The following ACTG2 variants were observed in gnomAD, a reference collection of about 807,000 sequenced individuals.
ACTG2 encodes the protein actin gamma 2, smooth muscle.
ACTG2 carries 16 observed loss-of-function variants against 37.6 expected under a neutral mutation model. The ratio of observed to expected loss-of-function variants is 0.43; its 90% CI spans 0.29 to 0.65. The LOEUF is 0.65. Ranked by LOEUF, ACTG2 falls within the 30% of genes least tolerant of loss-of-function variation. The pLI is 0.18. For synonymous variants in ACTG2, 181 were observed against 179.9 expected, an observed-to-expected ratio of 1.01 and a Z score of -0.05; for missense variants, 238 against 490.9, an observed-to-expected ratio of 0.48 and a Z score of 4.87.
Position 73,899,032 on chromosome 2 carries a change from G to C in ACTG2, c.-36-2244G>C, listed in dbSNP as rs186467021. On this transcript the variant is annotated intron_variant, in intron 1 of 8. Coordinates refer to ENST00000345517, the MANE Select transcript of ACTG2 (RefSeq NM_001615.4). ...TCACCATGTTAGCCAGGATGGTCTTGATCTCCTGACGTCGTGATCCGCCCA... is the reference window on the plus strand; with the variant it reads ...TCACCATGTTAGCCAGGATGGTCTTCATCTCCTGACGTCGTGATCCGCCCA... 9.3e-3 allele frequency among the ~76,000 whole-genome samples: 1,413 copies of C among 151,964 alleles called. 13 individuals carry two copies. Among genetic ancestry groups the C allele is most frequent in the Middle Eastern group, 0.034 (10 of 292 alleles).
At chr2:73,917,515 C>A (rs1312645494) in intron 8 of ACTG2, among the ~76,000 whole-genome samples, 1 of 152,208 alleles carries the variant, frequency 6.6e-6, no homozygotes. Flanking sequence ...GGTCTCCAAG[C>A]AGTCACACAG....
At chr2:73,910,924 T>C (rs954809300) in intron 5 of ACTG2, among the ~76,000 whole-genome samples, 1 of 149,362 alleles carries the variant, frequency 6.7e-6, no homozygotes, top group Non-Finnish European at 1.5e-5. Context: ...TTATTTTATT[T>C]TATTTTTTAC....
At chr2:73,909,952 C>T (rs1680094115) in intron 5 of ACTG2, among the ~76,000 whole-genome samples, 1 of 152,192 alleles carries the variant, frequency 6.6e-6, no homozygotes, top group African/African-American at 2.4e-5. Flanking sequence ...CAGTGGCTCA[C>T]ACCTGAAATC....
Position 73,901,259 on chromosome 2 carries a change from C to T in ACTG2, c.-36-17C>T. The T allele has an allele frequency of 1.3e-6, 2 of 1,494,862 alleles. No individual in the cohort carries two copies. Among genetic ancestry groups the T allele is most frequent in the Non-Finnish European group, 1.8e-6 (2 of 1,114,416 alleles). 92.6% of individuals were successfully genotyped at this position (1,494,862 alleles called of 1,614,324 possible). A position where few individuals can be genotyped will look rare whatever the true frequency, so the allele number is the denominator to read the frequency against. On this transcript the variant is annotated splice_polypyrimidine_tract_variant and intron_variant, in intron 1 of 8. Coordinates refer to ENST00000345517, the MANE Select transcript of ACTG2 (RefSeq NM_001615.4). ...TGACAAGTGGCTGACTAGTTCTCTTCTCCCGCAAATCCCAAGGTGCTCCAG... is the reference window on the plus strand; with the variant it reads ...TGACAAGTGGCTGACTAGTTCTCTTTTCCCGCAAATCCCAAGGTGCTCCAG...
intron 3 of ACTG2, among the ~76,000 whole-genome samples, chr2:73,907,071 A>G (rs193278424): frequency 3.9e-4 from 60 of 152,322 alleles, no homozygotes; most frequent in African/African-American, 1.4e-3. Context: ...TGCCTTTTGC[A>G]GCAGCCTCTG....
intron 1 of ACTG2, among the ~76,000 whole-genome samples, chr2:73,893,699 C>A (rs1389834557): frequency 6.6e-6 from 1 of 152,142 alleles, no homozygotes; most frequent in Non-Finnish European, 1.5e-5. Flanking sequence ...CCATCTAGTT[C>A]ATTCTCCTCT....
intron 1 of ACTG2, among the ~76,000 whole-genome samples, chr2:73,896,361 A>G (rs1018615731): frequency 1.3e-5 from 2 of 152,038 alleles, no homozygotes; most frequent in East Asian, 1.9e-4. Flanking sequence ...AAAAAAAAAA[A>G]AAAAGAAAAA....
intron 1 of ACTG2, among the ~76,000 whole-genome samples, chr2:73,897,998 G>A (rs1462723367): frequency 1.3e-5 from 2 of 152,212 alleles, no homozygotes; most frequent in South Asian, 2.1e-4. Context: ...CCATAGCACC[G>A]CCTGTGTGTT....
intron 8 of ACTG2, 80 bp downstream of exon 8, chr2:73,916,845 C>T: frequency 6.7e-7 from 1 of 1,499,982 alleles, no homozygotes; most frequent in Non-Finnish European, 9.0e-7. Context: ...AGGCAGACTG[C>T]CAGACCTGAT....
At chr2:73,919,084 C>G (rs1014014864) in intron 8 of ACTG2, among the ~76,000 whole-genome samples, 1 of 152,206 alleles carries the variant, frequency 6.6e-6, no homozygotes, top group Non-Finnish European at 1.5e-5. Context: ...GGCTGAAGGG[C>G]TAGCTGCTTC....
intron 8 of ACTG2, among the ~76,000 whole-genome samples, chr2:73,918,008 T>C (rs1329117280): frequency 6.6e-6 from 1 of 152,238 alleles, no homozygotes; most frequent in African/African-American, 2.4e-5. Context: ...TCCCAATTCA[T>C]GAGCCACAGC....
intron 8 of ACTG2, among the ~76,000 whole-genome samples, chr2:73,917,745 T>C (rs1179201218): frequency 2.6e-5 from 4 of 152,184 alleles, no homozygotes; most frequent in Non-Finnish European, 4.4e-5. Context: ...ATGGTGTTCA[T>C]CACAGAGAAA....
At position 73,908,839 on chromosome 2, in the gene ACTG2, C is replaced by A. The variant is rs760714506; in HGVS notation, c.366+56C>A. ...ATAAGAATGCAACATGGATGCTTGG[C>A]CAGATACTTTCTCCCCTTCAAACAT... On this transcript the variant is annotated intron_variant, in intron 4 of 8. Transcript: ENST00000345517. 6.2e-6 allele frequency: 9 copies of A among 1,455,428 alleles called. No homozygotes were observed. In the African/African-American group the frequency reaches 9.8e-5, roughly 16 times the overall value. The allele number at this position is 1,455,428 out of a possible 1,614,324, so 90.2% of individuals were successfully genotyped here.
intron 1 of ACTG2, among the ~76,000 whole-genome samples, chr2:73,900,217 G>A (rs1617744): frequency 0.46 from 69,734 of 152,024 alleles, 18,587 homozygotes; most frequent in Admixed American, 0.62. Context: ...AAGTCTGCCT[G>A]CCCAGCCCCT....
In ACTG2 at chr2:73,901,378, G is replaced by C. The variant is rs1553394796; in HGVS notation, c.67G>C (p.Ala23Pro). Residue 23 changes from alanine to proline, a missense_variant, in exon 2 of 9, where the codon GCA (alanine) becomes CCA (proline). By Grantham distance (27) the Ala-to-Pro change is conservative. Transcript: ENST00000345517. ...CTCTGGCCTGTGCAAGGCAGGCTTC[G>C]CAGGAGATGATGCCCCCCGGGCTGT... The part of the protein sequence containing the change: ...NGSGLCKAGF[A>P]GDDAPRAVFP... 6.2e-7 allele frequency: 1 copy of C among 1,614,176 alleles called. No homozygotes were observed. The highest frequency in any genetic ancestry group is 8.5e-7 in the Non-Finnish European group (1 of 1,180,022).
rs1679913192 is a variant in ACTG2, at chr2:73,902,489, G to A, written c.255+1G>A. ...CACCAACTGGGATGACATGGAGAAG[G>A]TATCTGTAGACTTCCCCTTAATGAG... On this transcript the variant is annotated splice_donor_variant, in intron 3 of 8. Transcript: ENST00000345517. LOFTEE classifies it high-confidence loss of function. The A allele has an allele frequency of 1.9e-6, 3 of 1,613,876 alleles. No individual in the cohort carries two copies. Among genetic ancestry groups the A allele is most frequent in the Non-Finnish European group, 2.5e-6 (3 of 1,179,990 alleles).
chr2:73,916,129 G>A (rs534595231), intron 7 of ACTG2, among the ~76,000 whole-genome samples: 4 of 152,270 alleles, frequency 2.6e-5, no homozygotes, highest in African/African-American at 9.6e-5. Flanking sequence ...TGTAATCCCA[G>A]CACTTTGGGA....
intron 3 of ACTG2, among the ~76,000 whole-genome samples, chr2:73,905,100 G>C (rs1391460159): frequency 6.6e-6 from 1 of 151,954 alleles, no homozygotes; most frequent in Non-Finnish European, 1.5e-5. Context: ...GCATCAGAAA[G>C]GAGGAAAGGA....
intron 1 of ACTG2, among the ~76,000 whole-genome samples, chr2:73,895,963 T>C (rs1428972586): frequency 6.6e-6 from 1 of 152,208 alleles, no homozygotes; most frequent in Non-Finnish European, 1.5e-5. Flanking sequence ...AAGACTTTAT[T>C]AGACTCTGAG....
Sources: gnomAD v4.1 joint callset for allele counts (sites outside exome capture counted in the v4.1 genomes callset) on GRCh38, gnomAD v4.1.1 for gene constraint, MANE v1.5 for transcripts, NCBI Gene and HGNC (gene_info 2026-07-23, HGNC 2026-07-21) for gene names.